Variants in IAH1 observed in about 807,000 individuals in gnomAD.
IAH1 encodes the protein isoamyl acetate-hydrolyzing esterase 1 homolog.
In IAH1, 24 loss-of-function variants were observed where a neutral mutation model predicts 26.7. That is an observed-to-expected ratio of 0.90 (90% CI 0.65 to 1.26). The LOEUF (loss-of-function observed/expected upper bound fraction) is 1.26. IAH1 is among the 50% of genes most tolerant of loss of function. The probability of loss-of-function intolerance (pLI) is 0.00; values close to 1 mark genes in which losing one functional copy is unlikely to be tolerated. For missense variants in IAH1, 300 were observed against 299.9 expected, an observed-to-expected ratio of 1.00 and a Z score of 0.00; for synonymous variants, 140 against 118.5, an observed-to-expected ratio of 1.18 and a Z score of -1.18.
At chr2:9,507,829 T>C in the IAH1 span, among the ~76,000 whole-genome samples, 7 of 152,196 alleles carry the variant, frequency 4.6e-5, no homozygotes. Flanking sequence ...CCTCCTACCT[T>C]AGCCTCCTGA....
downstream of IAH1, among the ~76,000 whole-genome samples, chr2:9,499,843 A>G (rs1033142051): frequency 6.6e-6 from 1 of 152,224 alleles, no homozygotes; most frequent in Non-Finnish European, 1.5e-5. Context: ...AGGTCCCTGA[A>G]GACCTCCAGC....
At chr2:9,475,309 C>T in intron 1 of IAH1, 1 of 751,236 alleles carries the variant, frequency 1.3e-6, no homozygotes, top group South Asian at 1.4e-5. Context: ...GTGTATACGC[C>T]AGTAACTGGT....
At chr2:9,477,711 C>T (rs1266681670) in intron 2 of IAH1, among the ~76,000 whole-genome samples, 1 of 151,206 alleles carries the variant, frequency 6.6e-6, no homozygotes, top group African/African-American at 2.4e-5. Context: ...GTGAATCCAA[C>T]TGTTTTTAAG....
the IAH1 span, chr2:9,505,403 T>C: frequency 6.4e-7 from 1 of 1,563,184 alleles, no homozygotes; most frequent in Non-Finnish European, 8.8e-7. Flanking sequence ...CAAAATAATA[T>C]CATAAAAATG....
intron 3 of IAH1, among the ~76,000 whole-genome samples, chr2:9,479,631 G>A (rs1401274008): frequency 1.3e-5 from 2 of 152,094 alleles, no homozygotes; most frequent in African/African-American, 4.8e-5. Flanking sequence ...TGACACGCAT[G>A]AAATAAGATT....
downstream of IAH1, chr2:9,497,400 C>T (rs1662696035): frequency 3.0e-6 from 3 of 997,360 alleles, no homozygotes; most frequent in Non-Finnish European, 4.3e-6. Context: ...CTGCATCTCA[C>T]CAGCAATCAG....
At chr2:9,505,174 G>A in the IAH1 span, 1 of 1,614,126 alleles carries the variant, frequency 6.2e-7, no homozygotes, top group Non-Finnish European at 8.5e-7. Flanking sequence ...ACCTGCACTG[G>A]ACACCTTCCT....
chr2:9,474,697 C>A lies in IAH1; in HGVS notation c.81+50C>A. 7.2e-7 allele frequency: 1 copy of A among 1,382,506 alleles called. No homozygotes were observed. Among genetic ancestry groups the A allele is most frequent in the Non-Finnish European group, 9.8e-7 (1 of 1,019,244 alleles). 85.6% of individuals were successfully genotyped at this position (1,382,506 alleles called of 1,614,324 possible). ...TCCCGCCCCGGCCTCCCTGCGGGGT[C>A]GCTGCCGAGCAGGCCGAGGCTCCTC... On this transcript the variant is annotated intron_variant, in intron 1 of 5. Transcript: ENST00000497473. This position sits in a 1 kb window ranked among gnomAD's most constrained non-coding sequence, Gnocchi z 4.3.
intron 3 of IAH1, among the ~76,000 whole-genome samples, chr2:9,478,912 C>G (rs1282274507): frequency 6.6e-6 from 1 of 152,174 alleles, no homozygotes; most frequent in South Asian, 2.1e-4. Context: ...TTGAAAAAAG[C>G]CTTCTGCGTG....
downstream of IAH1, among the ~76,000 whole-genome samples, chr2:9,500,192 T>C (rs908745156): frequency 1.3e-5 from 2 of 152,200 alleles, no homozygotes; most frequent in African/African-American, 2.4e-5. Context: ...GGCATATCCA[T>C]GCAATGGAAT....
At chr2:9,496,882 G>A (rs73149894), downstream of IAH1, among the ~76,000 whole-genome samples, 244 of 152,252 alleles carry the variant, frequency 1.6e-3, no homozygotes, top group African/African-American at 5.6e-3. Context: ...CCTGCCATAT[G>A]GCCTGAAACT....
chr2:9,488,172 G>T lies in IAH1; in HGVS notation c.590G>T (p.Gly197Val), dbSNP rs781386763. The stretch of plus-strand genomic sequence containing the variant: ...GACTTCTCATCTTATTTATCAGATG[G>T]ACTACATTTGTCTCCAAAGGGGAAT... The part of the protein sequence containing the change: ...SQDFSSYLSD[G>V]LHLSPKGNEF... The change falls in exon 6 of 6, where the codon GGA becomes GTA. Residue 197 changes from glycine (G) to valine (V), a missense_variant. Coordinates refer to ENST00000497473, the MANE Select transcript of IAH1 (RefSeq NM_001039613.3). The T allele has an allele frequency of 1.2e-6, 2 of 1,609,658 alleles. No homozygotes were observed. Among genetic ancestry groups the T allele is most frequent in the Non-Finnish European group, 1.7e-6 (2 of 1,178,738 alleles).
upstream of IAH1, among the ~76,000 whole-genome samples, chr2:9,474,321 C>T (rs777306066): frequency 1.3e-5 from 2 of 152,224 alleles, no homozygotes; most frequent in African/African-American, 2.4e-5. The surrounding 1 kb of genome is among the most constrained non-coding windows in gnomAD (Gnocchi z 4.3). Flanking sequence ...GGGCCCCCAA[C>T]CGCTTTTCTT....
At chr2:9,502,712 C>G in the IAH1 span, among the ~76,000 whole-genome samples, 1 of 151,746 alleles carries the variant, frequency 6.6e-6, no homozygotes, top group African/African-American at 2.4e-5. Flanking sequence ...AACCCCATCT[C>G]TACTAAAAAT....
chr2:9,492,186 G>T (rs1662210718), downstream of IAH1, among the ~76,000 whole-genome samples: 1 of 152,232 alleles, frequency 6.6e-6, no homozygotes, highest in Admixed American at 6.5e-5. Context: ...CACTATGAAA[G>T]AGTTTGGGAA....
intron 3 of IAH1, among the ~76,000 whole-genome samples, chr2:9,480,453 T>C (rs1033359425): frequency 8.5e-5 from 13 of 152,182 alleles, no homozygotes; most frequent in African/African-American, 3.1e-4. Context: ...TGAGCTGTGA[T>C]CACACTACAC....
chr2:9,474,415 C>G (rs774532798), upstream of IAH1: 9 of 434,414 alleles, frequency 2.1e-5, no homozygotes, highest in African/African-American at 4.2e-5. The surrounding 1 kb of genome is among the most constrained non-coding windows in gnomAD (Gnocchi z 4.3). Context: ...GGCCGAGCTT[C>G]TTGCAAACGG....
chr2:9,478,169 G>A lies in IAH1; in HGVS notation c.135-53G>A, dbSNP rs536232952. On this transcript the variant is annotated intron_variant, in intron 2 of 5. Transcript: ENST00000497473. ...ACCCTCACTAAAGGCCGGTTACTGC[G>A]ACCATAAACACTTCTTGCCCACAAT... 2.5e-4 allele frequency: 380 copies of A among 1,519,456 alleles called. No individual in the cohort carries two copies. In the African/African-American group the frequency reaches 3.6e-3, roughly 14 times the overall value. The allele number at this position is 1,519,456 out of a possible 1,614,324, so 94.1% of individuals were successfully genotyped here.
chr2:9,505,430 T>C, the IAH1 span: 1 of 1,495,186 alleles, frequency 6.7e-7, no homozygotes. Flanking sequence ...CATGCAATGT[T>C]TGTGTCTTCT....
Sources: allele counts gnomAD v4.1 joint callset (sites outside exome capture counted in the v4.1 genomes callset), GRCh38; gene constraint gnomAD v4.1.1; non-coding constraint Gnocchi (gnomAD v3.1); transcripts MANE v1.5; gene names NCBI Gene and HGNC (gene_info 2026-07-23, HGNC 2026-07-21).